The following ACKR2 variants were observed in gnomAD, a reference collection of about 807,000 sequenced individuals.
The protein encoded by ACKR2 is atypical chemokine receptor 2, also known as C-C chemokine receptor D6.
For missense variants in ACKR2, 457 were observed against 477.3 expected (o/e 0.96, Z 0.40); for synonymous variants, 207 against 192.2 (o/e 1.08, Z -0.64).
intron 2 of ACKR2, among the ~76,000 whole-genome samples, chr3:42,825,922 AT>A (rs34193662): frequency 0.28 from 37,119 of 132,160 alleles, 5,671 homozygotes; most frequent in East Asian, 0.65. Flanking sequence ...AGTTTATTGA[AT>A]TTTTTTTTTT....
intron 2 of ACKR2, among the ~76,000 whole-genome samples, chr3:42,843,034 CTATTTATT>C (rs35357659): frequency 0.056 from 7,778 of 139,332 alleles, 278 homozygotes; most frequent in South Asian, 0.12. Flanking sequence ...TCATGTCTAG[CTATTTATT>C]TATTTATTTA....
Position 42,864,924 on chromosome 3 carries a change from A to G in ACKR2, c.422A>G (p.Asp141Gly), listed in dbSNP as rs1157913451. 1 of 1,614,134 alleles carries G rather than the reference A, an allele frequency of 6.2e-7. No homozygotes were observed. Among genetic ancestry groups the G allele is most frequent in the Admixed American group, 1.7e-5 (1 of 60,010 alleles). ...GIFFISCMSL[D>G]KYLEIVHAQP... ...TTTTTCATTAGCTGCATGAGCCTGG[A>G]CAAGTACCTGGAGATCGTTCATGCT... The change falls in exon 3 of 3, where the codon GAC becomes GGC. Residue 141 changes from aspartate to glycine, a missense_variant. Asp to Gly is a moderately conservative substitution (Grantham distance 94). Transcript: ENST00000422265.
intron 2 of ACKR2, among the ~76,000 whole-genome samples, chr3:42,840,132 C>A (rs1701021554): frequency 6.6e-6 from 1 of 151,674 alleles, no homozygotes; most frequent in African/African-American, 2.4e-5. Context: ...TGGTAGCTGG[C>A]GCCTGTAGTC....
chr3:42,829,210 G>A (rs1286411328), intron 2 of ACKR2, among the ~76,000 whole-genome samples: 1 of 152,162 alleles, frequency 6.6e-6, no homozygotes, highest in African/African-American at 2.4e-5. Context: ...ACCAGAAGGT[G>A]GCAAACGTGG....
At chr3:42,832,608 C>G (rs1700941869) in intron 2 of ACKR2, among the ~76,000 whole-genome samples, 2 of 152,160 alleles carry the variant, frequency 1.3e-5, no homozygotes. Context: ...GGCACTCCAT[C>G]ACCGCATACG....
intron 2 of ACKR2, among the ~76,000 whole-genome samples, chr3:42,837,256 G>A (rs1035779891): frequency 4.6e-5 from 7 of 151,824 alleles, no homozygotes; most frequent in African/African-American, 1.2e-4. Context: ...TCACTCTGTC[G>A]CCTAGGCTGG....
chr3:42,814,475 A>G (rs1194277635), intron 1 of ACKR2, among the ~76,000 whole-genome samples: 3 of 152,218 alleles, frequency 2.0e-5, no homozygotes, highest in Non-Finnish European at 4.4e-5. Context: ...CTTCCATAGG[A>G]GAAACAGGCT....
intron 2 of ACKR2, 109 bp from the exon 3 acceptor site, chr3:42,864,357 A>G: frequency 1.3e-5 from 12 of 934,576 alleles, no homozygotes; most frequent in Non-Finnish European, 1.9e-5. Context: ...GCTGGACTGC[A>G]GGTACTGATG....
At chr3:42,830,540 T>C (rs1700921358) in intron 2 of ACKR2, among the ~76,000 whole-genome samples, 1 of 152,198 alleles carries the variant, frequency 6.6e-6, no homozygotes, top group African/African-American at 2.4e-5. Context: ...AAACAAGATA[T>C]GGAGCAATAG....
intron 2 of ACKR2, chr3:42,851,296 T>A (rs1389712625): frequency 1.1e-6 from 1 of 935,124 alleles, no homozygotes; most frequent in African/African-American, 1.8e-5. Context: ...TTTATTCCAG[T>A]TGAAAGCAGG....
chr3:42,842,407 A>C (rs1369473237), intron 2 of ACKR2, among the ~76,000 whole-genome samples: 3 of 152,208 alleles, frequency 2.0e-5, no homozygotes, highest in Non-Finnish European at 2.9e-5. Context: ...TTATACAATA[A>C]TACATAGTAT....
chr3:42,828,156 C>T (rs1355389784), intron 2 of ACKR2, among the ~76,000 whole-genome samples: 2 of 149,020 alleles, frequency 1.3e-5, no homozygotes, highest in Non-Finnish European at 3.0e-5. Context: ...GTCACCCAGG[C>T]TGGAGTGCAG....
At chr3:42,850,044 G>C (rs898102011) in intron 2 of ACKR2, among the ~76,000 whole-genome samples, 8 of 152,062 alleles carry the variant, frequency 5.3e-5, no homozygotes, top group South Asian at 2.1e-4. Flanking sequence ...TGTACAAAAG[G>C]GGGGAGGTGA....
rs138697372 is a variant in ACKR2, at chr3:42,809,810, C to T, written c.-119+278C>T. On this transcript the variant is annotated intron_variant, in intron 1 of 2. Transcript: ENST00000422265. Reference sequence around the variant, plus strand: ...CTGGGAGGCAGAGGTTGCAGTGACCCGAGATCGCGCCACTGTACTCCAGCC... The same window carrying T: ...CTGGGAGGCAGAGGTTGCAGTGACCTGAGATCGCGCCACTGTACTCCAGCC... Among the ~76,000 whole-genome samples the T allele has an allele frequency of 1.7e-4, 26 of 151,262 alleles. No individual in the cohort carries two copies. The East Asian group carries it at 3.9e-3, about 23-fold the overall frequency.
chr3:42,815,162 A>G (rs530734692), intron 1 of ACKR2, among the ~76,000 whole-genome samples: 1 of 152,324 alleles, frequency 6.6e-6, no homozygotes, highest in East Asian at 1.9e-4. Flanking sequence ...ACAAGAGCAG[A>G]GGGCATTTGA....
chr3:42,856,347 C>CA, intron 2 of ACKR2: 1 of 702,066 alleles, frequency 1.4e-6, no homozygotes, highest in South Asian at 1.5e-5. Flanking sequence ...GGGAGGACTC[C>CA]AGGGCTCCCT....
chr3:42,837,834 G>T (rs779936631), intron 2 of ACKR2, among the ~76,000 whole-genome samples: 3 of 152,116 alleles, frequency 2.0e-5, no homozygotes, highest in Non-Finnish European at 4.4e-5. Context: ...ATACAAAGAG[G>T]AAATCAGCCC....
At chr3:42,818,201 C>T (rs372022819) in intron 1 of ACKR2, among the ~76,000 whole-genome samples, 2 of 152,192 alleles carry the variant, frequency 1.3e-5, no homozygotes, top group Non-Finnish European at 2.9e-5. Flanking sequence ...CTCTCCTCCC[C>T]TCTTCTCTGC....
intron 2 of ACKR2, among the ~76,000 whole-genome samples, chr3:42,857,988 G>C (rs553977813): frequency 1.3e-5 from 2 of 152,250 alleles, no homozygotes; most frequent in Admixed American, 6.5e-5. Context: ...TCCTCTCCGG[G>C]CAGGGCATCT....
Sources: allele counts gnomAD v4.1 joint callset (sites outside exome capture counted in the v4.1 genomes callset), GRCh38; gene constraint gnomAD v4.1.1; transcripts MANE v1.5; gene names NCBI Gene and HGNC (gene_info 2026-07-23, HGNC 2026-07-21).